JAK1: variants seen among roughly 807,000 people sequenced by gnomAD.
JAK1 encodes the protein Janus kinase 1.
Under a neutral mutation model 136.6 loss-of-function variants are expected in JAK1, and 16 were observed. That is an observed-to-expected ratio of 0.12 (90% CI 0.08 to 0.18). The LOEUF (loss-of-function observed/expected upper bound fraction) is 0.18. Ranked by LOEUF, JAK1 falls within the 10% of genes least tolerant of loss-of-function variation. The probability of loss-of-function intolerance (pLI) is 1.00; values close to 1 mark genes in which losing one functional copy is unlikely to be tolerated. For synonymous variants in JAK1, 492 were observed against 519.5 expected (o/e 0.95, Z 0.72); for missense variants, 859 against 1,450.1 (o/e 0.59, Z 6.62).
chr1:64,843,306 G>A (rs1297827644), intron 17 of JAK1, among the ~76,000 whole-genome samples: 1 of 152,160 alleles, frequency 6.6e-6, no homozygotes, highest in East Asian at 1.9e-4. Flanking sequence ...AACAACAGGA[G>A]CACATTCCAA....
At chr1:65,011,689 G>A (rs1336390048) in intron 2 of JAK1, among the ~76,000 whole-genome samples, 1 of 152,208 alleles carries the variant, frequency 6.6e-6, no homozygotes, top group African/African-American at 2.4e-5. Context: ...AGACCACTGA[G>A]CTTGCTGTCC....
chr1:64,945,598 T>A (rs894276327), intron 1 of JAK1, among the ~76,000 whole-genome samples: 1 of 151,988 alleles, frequency 6.6e-6, no homozygotes, highest in African/African-American at 2.4e-5. Context: ...AAAAAAAGAA[T>A]ACGAATATAT....
intron 1 of JAK1, among the ~76,000 whole-genome samples, chr1:64,933,231 A>G (rs1300109349): frequency 6.6e-6 from 1 of 152,224 alleles, no homozygotes; most frequent in Non-Finnish European, 1.5e-5. Flanking sequence ...CCACAGCTCA[A>G]AAACACTTCC....
intron 2 of JAK1, among the ~76,000 whole-genome samples, chr1:64,973,328 AAGG>A (rs1646470464): frequency 7.1e-6 from 1 of 140,378 alleles, no homozygotes; most frequent in African/African-American, 2.6e-5. Flanking sequence ...GAAGGGAGGG[AAGG>A]AGGGAGGGGA....
At chr1:64,940,561 C>G (rs1185510039) in intron 1 of JAK1, among the ~76,000 whole-genome samples, 1 of 152,060 alleles carries the variant, frequency 6.6e-6, no homozygotes, top group African/African-American at 2.4e-5. Flanking sequence ...AAGTGATCTG[C>G]CCACCTCGGC....
At chr1:64,871,376 C>T (rs1657063014) in intron 5 of JAK1, among the ~76,000 whole-genome samples, 1 of 152,178 alleles carries the variant, frequency 6.6e-6, no homozygotes, top group South Asian at 2.1e-4. Context: ...TTGTTCACAA[C>T]AGACTATAAA....
At chr1:65,055,957 G>A (rs1428962846) in intron 1 of JAK1, among the ~76,000 whole-genome samples, 2 of 152,156 alleles carry the variant, frequency 1.3e-5, no homozygotes, top group Admixed American at 6.6e-5. Flanking sequence ...AACTAGTAAC[G>A]GGGAAAACAG....
chr1:64,920,124 C>G, intron 1 of JAK1, among the ~76,000 whole-genome samples: 1 of 152,186 alleles, frequency 6.6e-6, no homozygotes, highest in East Asian at 1.9e-4. Context: ...GTTAAAGAAT[C>G]AAACAAAATT....
chr1:65,027,308 C>T (rs376390451), intron 2 of JAK1, among the ~76,000 whole-genome samples: 8 of 152,026 alleles, frequency 5.3e-5, no homozygotes, highest in East Asian at 3.9e-4. Flanking sequence ...CCATCTCAGC[C>T]TCCCAAAGTG....
intron 20 of JAK1, 72 bp downstream of exon 20, chr1:64,839,531 T>C (rs1654755726): frequency 7.2e-7 from 1 of 1,386,482 alleles, no homozygotes; most frequent in Admixed American, 2.0e-5. Flanking sequence ...GGAGTGCCTG[T>C]TTTGCACTGG....
intron 1 of JAK1, among the ~76,000 whole-genome samples, chr1:64,909,383 G>A (rs1265961358): frequency 1.3e-5 from 2 of 152,108 alleles, no homozygotes; most frequent in African/African-American, 4.8e-5. Flanking sequence ...ATGTGGAAAG[G>A]AAACTAGCTT....
intron 1 of JAK1, among the ~76,000 whole-genome samples, chr1:64,965,190 CAT>C (rs1646350382): frequency 6.6e-6 from 1 of 152,194 alleles, no homozygotes. Flanking sequence ...CTTAACTACC[CAT>C]GTTTTACTCC....
chr1:65,022,994 T>C (rs1045403074), intron 2 of JAK1: 2 of 152,190 alleles, frequency 1.3e-5, no homozygotes, highest in African/African-American at 4.8e-5. Flanking sequence ...GAATTTTTTT[T>C]CCTGTCATCC....
chr1:64,841,216 C>T (rs754659255), intron 19 of JAK1, 29 bp downstream of exon 19: 1 of 1,516,452 alleles, frequency 6.6e-7, no homozygotes, highest in East Asian at 2.3e-5. Flanking sequence ...GCTCTGCCAT[C>T]AGCAGCAAGC....
chr1:65,019,923 AAAG>A (rs536941575), intron 2 of JAK1, among the ~76,000 whole-genome samples: 50 of 149,382 alleles, frequency 3.3e-4, no homozygotes, highest in Middle Eastern at 6.9e-3. Flanking sequence ...CTCAAAAAAA[AAAG>A]AAGAAGAAGA....
intron 2 of JAK1, among the ~76,000 whole-genome samples, chr1:65,029,769 G>A: frequency 6.6e-6 from 1 of 152,116 alleles, no homozygotes; most frequent in East Asian, 1.9e-4. Flanking sequence ...GAGAACGCAT[G>A]GACACATAGA....
At chr1:64,910,607 GC>G (rs1293043289) in intron 1 of JAK1, among the ~76,000 whole-genome samples, 2 of 152,152 alleles carry the variant, frequency 1.3e-5, no homozygotes, top group Non-Finnish European at 2.9e-5. Context: ...GCTAAGGCGG[GC>G]TGATCACTTG....
chr1:64,947,501 G>A (rs1024784085), intron 1 of JAK1, among the ~76,000 whole-genome samples: 2 of 152,110 alleles, frequency 1.3e-5, no homozygotes, highest in East Asian at 1.9e-4. Flanking sequence ...CAGAACATAA[G>A]ACCAATGAAC....
intron 2 of JAK1, chr1:64,972,488 C>T (rs1456718268): frequency 6.6e-6 from 1 of 152,202 alleles, no homozygotes; most frequent in East Asian, 1.9e-4. Flanking sequence ...CTAAAGCAGT[C>T]GTTTTAATAT....
Sources: allele counts gnomAD v4.1 joint callset (sites outside exome capture counted in the v4.1 genomes callset), GRCh38; gene constraint gnomAD v4.1.1; transcripts MANE v1.5; gene names NCBI Gene and HGNC (gene_info 2026-07-23, HGNC 2026-07-21).